TLN2: variants seen among roughly 807,000 people sequenced by gnomAD.
TLN2 encodes talin 2.
A neutral mutation model predicts 294.7 loss-of-function variants in TLN2; 118 were observed. The ratio of observed to expected loss-of-function variants is 0.40; its 90% CI spans 0.34 to 0.47. The LOEUF (loss-of-function observed/expected upper bound fraction) is 0.47, where lower values mean the gene tolerates loss of function less well. Among genes scored for constraint, TLN2 ranks in the 20% least tolerant of loss-of-function variants. The probability of loss-of-function intolerance (pLI) is 0.84; values close to 1 mark genes in which losing one functional copy is unlikely to be tolerated. For missense variants in TLN2, 3,083 were observed against 3,282.2 expected (o/e 0.94, Z 1.48); for synonymous variants, 1,431 against 1,304.5 (o/e 1.10, Z -2.09).
At chr15:62,504,699 T>C (rs567078962) in intron 1 of TLN2, among the ~76,000 whole-genome samples, 1 of 152,304 alleles carries the variant, frequency 6.6e-6, no homozygotes, top group East Asian at 1.9e-4. Flanking sequence ...AGACTTTAAG[T>C]AAAACTTCCA....
rs149183362 is a variant in TLN2 at position 62,732,470 on chromosome 15, G to A, written c.3359-4408G>A. Among the ~76,000 whole-genome samples, 812 of 152,268 alleles carry A rather than the reference G, an allele frequency of 5.3e-3. 6 individuals are homozygous for A. Among genetic ancestry groups the A allele is most frequent in the African/African-American group, 0.017 (706 of 41,554 alleles). ...AGTAAGTGAGAAATAAGAGGATAACGCTGAAAAGTTAGGCCAGGGTCAGAT... is the reference window on the plus strand; with the variant it reads ...AGTAAGTGAGAAATAAGAGGATAACACTGAAAAGTTAGGCCAGGGTCAGAT... On this transcript the variant is annotated intron_variant, in intron 28 of 58. Coordinates refer to ENST00000636159, the MANE Select transcript of TLN2 (RefSeq NM_015059.3).
intron 1 of TLN2, among the ~76,000 whole-genome samples, chr15:62,528,040 A>T (rs2053154): frequency 0.53 from 80,365 of 152,086 alleles, 22,312 homozygotes; most frequent in African/African-American, 0.71. Context: ...CATTTTAGTG[A>T]GTTTTCTTAG....
intron 19 of TLN2, among the ~76,000 whole-genome samples, chr15:62,706,174 A>G (rs2059054018): frequency 1.3e-5 from 2 of 152,078 alleles, no homozygotes; most frequent in South Asian, 4.2e-4. Context: ...GTTTGTTCCA[A>G]ATAAAAATGG....
chr15:62,670,503 C>T (rs1199837601), intron 9 of TLN2, among the ~76,000 whole-genome samples: 2 of 152,190 alleles, frequency 1.3e-5, no homozygotes, highest in Non-Finnish European at 2.9e-5. Context: ...ATCTAAACTG[C>T]TGCAGATTAG....
chr15:62,795,305 G>C (rs2141127778), intron 46 of TLN2, among the ~76,000 whole-genome samples: 1 of 152,258 alleles, frequency 6.6e-6, no homozygotes, highest in East Asian at 1.9e-4. Context: ...GGAGCTGGCG[G>C]GTGTGGTGAG....
intron 51 of TLN2, among the ~76,000 whole-genome samples, chr15:62,809,639 C>T (rs922127044): frequency 3.9e-5 from 6 of 151,926 alleles, no homozygotes; most frequent in African/African-American, 1.5e-4. Flanking sequence ...TTTTGCATTT[C>T]AAAAAAATGT....
intron 1 of TLN2, among the ~76,000 whole-genome samples, chr15:62,435,628 G>A (rs1452321496): frequency 6.6e-6 from 1 of 152,122 alleles, no homozygotes; most frequent in African/African-American, 2.4e-5. Context: ...TGCAACTTCT[G>A]CCTCCCGGGT....
intron 45 of TLN2, among the ~76,000 whole-genome samples, chr15:62,786,555 C>T (rs1021159480): frequency 6.6e-6 from 1 of 152,210 alleles, no homozygotes; most frequent in Admixed American, 6.5e-5. Context: ...GCCACAACTT[C>T]TAAATGTAAA....
chr15:62,799,500 C>A (rs964095695), intron 48 of TLN2, among the ~76,000 whole-genome samples: 9 of 152,252 alleles, frequency 5.9e-5, no homozygotes, highest in African/African-American at 2.2e-4. Context: ...GAAAAGCAAA[C>A]ACAGATAATG....
intron 32 of TLN2, among the ~76,000 whole-genome samples, chr15:62,742,072 T>TGAGTGA (rs1555495865): frequency 4.2e-5 from 6 of 142,408 alleles, no homozygotes; most frequent in African/African-American, 1.3e-4. Flanking sequence ...TGTGTGTGTG[T>TGAGTGA]GTGAAGGGTT....
intron 19 of TLN2, 103 bp downstream of exon 19, chr15:62,702,967 T>A: frequency 9.5e-7 from 1 of 1,056,628 alleles, no homozygotes; most frequent in African/African-American, 1.6e-5. Flanking sequence ...ATCTTTGAGA[T>A]AGTCAAGAAT....
intron 14 of TLN2, among the ~76,000 whole-genome samples, chr15:62,695,932 A>T (rs1162979773): frequency 2.6e-5 from 4 of 152,138 alleles, no homozygotes; most frequent in Admixed American, 2.6e-4. Context: ...CCTGCCTGGG[A>T]TCACTGTAGC....
intron 12 of TLN2, among the ~76,000 whole-genome samples, chr15:62,687,208 T>C (rs146116055): frequency 3.6e-4 from 55 of 152,324 alleles, no homozygotes; most frequent in African/African-American, 1.3e-3. Context: ...GAGGAATGTT[T>C]TCCCAGCCTG....
chr15:62,620,816 CTTTTTTTTTTCTTTCTTTTTCTT>C (rs1211255537), intron 3 of TLN2, among the ~76,000 whole-genome samples: 1,909 of 133,664 alleles, frequency 0.014, 53 homozygotes, highest in African/African-American at 0.052. Context: ...AAACCTGCTT[CTTTTTTTTTTCTTTCTTTTTCTT>C]TTTTTTTTTT....
At chr15:62,781,118 A>G in intron 43 of TLN2, 22 bp from the exon 44 acceptor site, 1 of 1,593,300 alleles carries the variant, frequency 6.3e-7, no homozygotes, top group Non-Finnish European at 8.6e-7. Context: ...TGACCTTTGG[A>G]TTCTTTTCCT....
chr15:62,706,954 CAAA>C, intron 19 of TLN2, 129 bp from the exon 20 acceptor site: 1 of 1,130,378 alleles, frequency 8.8e-7, no homozygotes, highest in Non-Finnish European at 1.2e-6. Flanking sequence ...GTTGACATTT[CAAA>C]AAAAAGTAAA....
intron 41 of TLN2, among the ~76,000 whole-genome samples, chr15:62,769,633 C>T (rs1486627495): frequency 2.6e-5 from 4 of 152,128 alleles, no homozygotes; most frequent in African/African-American, 9.7e-5. Flanking sequence ...GACACGTTCC[C>T]TCACCTTGCC....
intron 9 of TLN2, among the ~76,000 whole-genome samples, chr15:62,667,029 G>A (rs2054749493): frequency 6.6e-6 from 1 of 152,098 alleles, no homozygotes; most frequent in Non-Finnish European, 1.5e-5. Flanking sequence ...GCAGTGGCAT[G>A]ATCTCGGCTC....
At position 62,810,020 on chromosome 15, in the gene TLN2, G is replaced by A. The variant is rs531672088; in HGVS notation, c.6759G>A (p.Glu2253=). 1.2e-6 allele frequency: 2 copies of A among 1,614,040 alleles called. No homozygotes were observed. The highest frequency in any genetic ancestry group is 3.3e-5 in the Admixed American group (2 of 60,020). Residue 2253 remains glutamate, a synonymous_variant, in exon 52 of 59, where the codon GAG becomes GAA. Transcript: ENST00000636159. ...CCCTTGGCTACTTGGACCTCCTGGA[G>A]CACGTCTTGGTGGTAAGAAAGCGCA... is the stretch of plus-strand genomic sequence containing the variant. The part of the protein sequence containing the change: ...ECTLGYLDLL[E]HVLVILQKPT...
Sources: gnomAD v4.1 joint callset for allele counts (sites outside exome capture counted in the v4.1 genomes callset) on GRCh38, gnomAD v4.1.1 for gene constraint, MANE v1.5 for transcripts, NCBI Gene and HGNC (gene_info 2026-07-23, HGNC 2026-07-21) for gene names.